TAB2: variants seen among roughly 807,000 people sequenced by gnomAD.
The protein encoded by TAB2 is TGF-beta-activated kinase 1 and MAP3K7-binding protein 2.
Under a neutral mutation model 65.0 loss-of-function variants are expected in TAB2, and 3 were observed. That is an observed-to-expected ratio of 0.05 (90% CI 0.02 to 0.12). TAB2 has a LOEUF of 0.12. TAB2 is among the 10% of genes least tolerant of loss of function. TAB2 has a pLI of 1.00. For synonymous variants in TAB2, 298 were observed against 285.1 expected (o/e 1.05, Z -0.46); for missense variants, 623 against 840.3 (o/e 0.74, Z 3.20).
chr6:149,231,940 C>T (rs897943462), intron 1 of TAB2, among the ~76,000 whole-genome samples: 1 of 152,140 alleles, frequency 6.6e-6, no homozygotes, highest in East Asian at 1.9e-4. Flanking sequence ...GGGCTCCCTA[C>T]CCAGAGCAAC....
chr6:149,234,028 AT>A (rs1221243321), intron 1 of TAB2, among the ~76,000 whole-genome samples: 1 of 152,050 alleles, frequency 6.6e-6, no homozygotes, highest in Non-Finnish European at 1.5e-5. Context: ...TCAGTTTATG[AT>A]TTTTTTAACC....
At chr6:149,259,705 A>G (rs1219757369) in intron 1 of TAB2, among the ~76,000 whole-genome samples, 1 of 152,100 alleles carries the variant, frequency 6.6e-6, no homozygotes, top group Non-Finnish European at 1.5e-5. Context: ...AAAATGTGTT[A>G]TTTGCCACCT....
intron 1 of TAB2, among the ~76,000 whole-genome samples, chr6:149,357,428 A>ACACACACACACAC (rs1223441586): frequency 3.0e-5 from 2 of 65,592 alleles, no homozygotes; most frequent in African/African-American, 1.1e-4. Flanking sequence ...GGAGAAAAAA[A>ACACACACACACAC]AAACACACAC....
intron 1 of TAB2, among the ~76,000 whole-genome samples, chr6:149,367,785 G>A (rs1445040863): frequency 6.6e-6 from 1 of 152,120 alleles, no homozygotes. Context: ...TAGATTAGAT[G>A]TGGGATGAGA....
At chr6:149,365,906 T>G (rs1201592859) in intron 1 of TAB2, among the ~76,000 whole-genome samples, 3 of 152,158 alleles carry the variant, frequency 2.0e-5, no homozygotes, top group African/African-American at 4.8e-5. Flanking sequence ...GTCTACCCAG[T>G]GAATTTTTTT....
chr6:149,295,885 C>T (rs547046054), intron 1 of TAB2, among the ~76,000 whole-genome samples: 1 of 152,298 alleles, frequency 6.6e-6, no homozygotes, highest in South Asian at 2.1e-4. Flanking sequence ...AATTCTCCTG[C>T]TTCAGCCTCC....
At chr6:149,282,243 T>C (rs2114686510) in intron 1 of TAB2, among the ~76,000 whole-genome samples, 1 of 152,256 alleles carries the variant, frequency 6.6e-6, no homozygotes, top group Middle Eastern at 3.4e-3. Flanking sequence ...TCTATGCGTC[T>C]ATAACAAAGC....
chr6:149,306,573 A>C (rs1192102390), intron 1 of TAB2, among the ~76,000 whole-genome samples: 3 of 146,750 alleles, frequency 2.0e-5, no homozygotes, highest in African/African-American at 2.5e-5. Context: ...AAAAAAAAAA[A>C]CAAAAAACAA....
At chr6:149,337,413 G>T (rs571776685) in intron 1 of TAB2, among the ~76,000 whole-genome samples, 1 of 152,124 alleles carries the variant, frequency 6.6e-6, no homozygotes, top group Admixed American at 6.6e-5. Flanking sequence ...CATGACCCCC[G>T]ATCTAGTGGA....
intron 3 of TAB2, among the ~76,000 whole-genome samples, chr6:149,381,095 T>C (rs907874895): frequency 1.3e-5 from 2 of 152,170 alleles, no homozygotes; most frequent in African/African-American, 4.8e-5. Context: ...GATCCCTATC[T>C]CAAAAATAAA....
At chr6:149,369,588 A>G (rs1291944504) in intron 1 of TAB2, among the ~76,000 whole-genome samples, 1 of 152,238 alleles carries the variant, frequency 6.6e-6, no homozygotes, top group Non-Finnish European at 1.5e-5. Context: ...TTAAGAAAAA[A>G]ATCAGTGATA....
chr6:149,235,252 C>T (rs1777474905), intron 1 of TAB2, among the ~76,000 whole-genome samples: 1 of 152,186 alleles, frequency 6.6e-6, no homozygotes, highest in African/African-American at 2.4e-5. Flanking sequence ...CCGGATGACA[C>T]ACTGTAAGAG....
At chr6:149,253,451 T>C (rs953578804) in intron 1 of TAB2, among the ~76,000 whole-genome samples, 1 of 151,576 alleles carries the variant, frequency 6.6e-6, no homozygotes, top group Non-Finnish European at 1.5e-5. Flanking sequence ...TGAAACCCCA[T>C]CTCTGCTAGA....
chr6:149,315,248 A>G (rs965405232), upstream of TAB2, among the ~76,000 whole-genome samples: 5 of 152,348 alleles, frequency 3.3e-5, no homozygotes, highest in East Asian at 9.6e-4. Flanking sequence ...ACGCTTACCA[A>G]AAATTGCAAG....
intron 1 of TAB2, among the ~76,000 whole-genome samples, chr6:149,269,448 G>A (rs111588679): frequency 2.9e-3 from 436 of 152,196 alleles, no homozygotes; most frequent in Middle Eastern, 0.01. Flanking sequence ...ATTTACAGAA[G>A]ATTAAAGTAG....
chr6:149,406,860 G>T (rs184925107), intron 6 of TAB2, among the ~76,000 whole-genome samples: 1 of 152,082 alleles, frequency 6.6e-6, no homozygotes, highest in Non-Finnish European at 1.5e-5. Context: ...ATGGATTACA[G>T]GCATGCGCCA....
At chr6:149,389,674 C>T (rs906623981) in intron 3 of TAB2, among the ~76,000 whole-genome samples, 1 of 144,402 alleles carries the variant, frequency 6.9e-6, no homozygotes, top group South Asian at 2.3e-4. Context: ...AAGGTATAAA[C>T]CTTTCTAAGC....
intron 1 of TAB2, among the ~76,000 whole-genome samples, chr6:149,309,167 G>A (rs937896763): frequency 1.4e-4 from 21 of 151,598 alleles, no homozygotes; most frequent in South Asian, 4.2e-4. Flanking sequence ...ATATTCCTTC[G>A]TGATAGATGA....
rs951656882 is a variant in TAB2 at position 149,269,297 on chromosome 6, C to T, written c.-121+50521C>T. ...CTAGGACCTATTTTCTCCTATTTGACGTGGTAAAAGAAGTTACGCTAGGTT... is the reference window on the plus strand; with the variant it reads ...CTAGGACCTATTTTCTCCTATTTGATGTGGTAAAAGAAGTTACGCTAGGTT... On this transcript the variant is annotated intron_variant, in intron 1 of 1. Transcript: ENST00000606202. 7.2e-5 allele frequency among the ~76,000 whole-genome samples: 11 copies of T among 152,240 alleles called. No individual in the cohort carries two copies. In the East Asian group the frequency reaches 1.5e-3, roughly 21 times the overall value.
Sources: gnomAD v4.1 joint callset for allele counts (sites outside exome capture counted in the v4.1 genomes callset) on GRCh38, gnomAD v4.1.1 for gene constraint, MANE v1.5 for transcripts, NCBI Gene and HGNC (gene_info 2026-07-23, HGNC 2026-07-21) for gene names.